The following MSL2 variants were observed in gnomAD, a reference collection of about 807,000 sequenced individuals.
The protein encoded by MSL2 is E3 ubiquitin-protein ligase MSL2.
MSL2 carries 2 observed loss-of-function variants against 35.8 expected under a neutral mutation model. The observed-to-expected ratio is 0.06, with a 90% CI of 0.02 to 0.18. The LOEUF (loss-of-function observed/expected upper bound fraction) is 0.18, where lower values mean the gene tolerates loss of function less well. Ranked by LOEUF, MSL2 falls within the 10% of genes least tolerant of loss-of-function variation. The pLI is 1.00. For synonymous variants in MSL2, 296 were observed against 255.7 expected, an observed-to-expected ratio of 1.16 and a Z score of -1.50; for missense variants, 523 against 706.7, an observed-to-expected ratio of 0.74 and a Z score of 2.95.
intron 1 of MSL2, among the ~76,000 whole-genome samples, chr3:136,191,764 T>C (rs1940696949): frequency 6.6e-6 from 1 of 152,150 alleles, no homozygotes. Flanking sequence ...CATAGCAAGA[T>C]CCTGTTTCAA....
At position 136,195,822 on chromosome 3, in the gene MSL2, G is replaced by A. The variant is rs1940828049; in HGVS notation, c.-709C>T. On this transcript the variant is annotated 5_prime_UTR_variant, in exon 1 of 2. Transcript: ENST00000309993. Reference sequence around the variant, plus strand: ...GAGGCGGGCGGGAGTCCTCAACCCGGAGGGGAAGGCCGGGGAGGAAGTGCG... The same window carrying A: ...GAGGCGGGCGGGAGTCCTCAACCCGAAGGGGAAGGCCGGGGAGGAAGTGCG... The A allele has an allele frequency of 6.1e-6, 6 of 984,896 alleles. No homozygotes were observed. In the African/African-American group the frequency reaches 8.7e-5, roughly 14 times the overall value. 61.0% of individuals were successfully genotyped at this position (984,896 alleles called of 1,614,324 possible). A position where few individuals can be genotyped will look rare whatever the true frequency, so the allele number is the denominator to read the frequency against.
chr3:136,161,670 A>C (rs186418581), intron 1 of MSL2, among the ~76,000 whole-genome samples: 60 of 152,278 alleles, frequency 3.9e-4, no homozygotes, highest in Admixed American at 3.1e-3. Flanking sequence ...AAGCAGAAAA[A>C]CAGTGGTTGC....
In MSL2 at chr3:136,195,078, G is replaced by A. The variant is rs1940798033; in HGVS notation, c.36C>T (p.Ser12=). ...NPVNATALYI[S]ASRLVLNYDP... The stretch of plus-strand genomic sequence containing the variant: ...CGTAGTTGAGCACTAGGCGGCTCGC[G>A]GAAATGTAGAGAGCAGTAGCATTCA... Residue 12 remains serine (S), a synonymous_variant, in exon 1 of 2, where the codon TCC becomes TCT. Coordinates refer to ENST00000309993, the MANE Select transcript of MSL2 (RefSeq NM_018133.4). 5.6e-6 allele frequency: 9 copies of A among 1,613,794 alleles called. No individual in the cohort carries two copies. The highest frequency in any genetic ancestry group is 7.6e-6 in the Non-Finnish European group (9 of 1,179,978).
At position 136,150,641 on chromosome 3, in the gene MSL2, C is replaced by G. The variant is rs1939333140; in HGVS notation, c.*506G>C. 1 of 155,726 alleles carries G rather than the reference C, an allele frequency of 6.4e-6. No individual in the cohort carries two copies. The allele number at this position is 155,726 out of a possible 1,614,324, so 9.6% of individuals were successfully genotyped here. A position where few individuals can be genotyped will look rare whatever the true frequency, so the allele number is the denominator to read the frequency against. ...ACACCAGTAGCCAATATTTCATGAT[C>G]AGAAATGGTATGATGTCAGCACAAA... is the stretch of plus-strand genomic sequence containing the variant. On this transcript the variant is annotated 3_prime_UTR_variant, in exon 2 of 2. Transcript: ENST00000309993.
At chr3:136,192,700 G>A (rs987900680) in intron 1 of MSL2, among the ~76,000 whole-genome samples, 1 of 152,168 alleles carries the variant, frequency 6.6e-6, no homozygotes, top group African/African-American at 2.4e-5. Flanking sequence ...GGTAGTAGCG[G>A]GTCAAATCTA....
intron 1 of MSL2, among the ~76,000 whole-genome samples, chr3:136,172,167 A>G (rs951458035): frequency 2.0e-5 from 3 of 152,140 alleles, no homozygotes; most frequent in African/African-American, 7.2e-5. Flanking sequence ...AAGCTTGAAT[A>G]TTTCTACTTA....
chr3:136,153,075 G>GTT (rs1457587879), intron 1 of MSL2: 1 of 984,970 alleles, frequency 1.0e-6, no homozygotes, highest in Admixed American at 6.2e-5. Flanking sequence ...CACAAACTAG[G>GTT]GTTAAAACCC....
chr3:136,184,256 A>G (rs901021566), intron 1 of MSL2, among the ~76,000 whole-genome samples: 1 of 151,936 alleles, frequency 6.6e-6, no homozygotes, highest in Non-Finnish European at 1.5e-5. Flanking sequence ...AGATGGTGCC[A>G]CTGCACTTTA....
At chr3:136,174,582 AG>A (rs1243865667) in intron 1 of MSL2, among the ~76,000 whole-genome samples, 2 of 152,178 alleles carry the variant, frequency 1.3e-5, no homozygotes, top group Admixed American at 1.3e-4. Flanking sequence ...AGCAAAAGGA[AG>A]GGGAGGATGG....
intron 1 of MSL2, among the ~76,000 whole-genome samples, chr3:136,159,685 A>C (rs576180846): frequency 6.6e-6 from 1 of 151,914 alleles, no homozygotes; most frequent in East Asian, 1.9e-4. Context: ...GAGTATTTTC[A>C]ACATACCATG....
At chr3:136,183,979 A>G (rs1371947865) in intron 1 of MSL2, among the ~76,000 whole-genome samples, 3 of 152,226 alleles carry the variant, frequency 2.0e-5, no homozygotes, top group Non-Finnish European at 2.9e-5. Context: ...TTCACAAAAT[A>G]ATTGAAGATC....
chr3:136,182,448 G>A (rs1559970176), intron 1 of MSL2, among the ~76,000 whole-genome samples: 1 of 152,124 alleles, frequency 6.6e-6, no homozygotes, highest in Non-Finnish European at 1.5e-5. Context: ...AGTGATCCCT[G>A]AAAAGGGGAA....
At chr3:136,156,019 C>A in intron 1 of MSL2, 1 of 321,236 alleles carries the variant, frequency 3.1e-6, no homozygotes, top group South Asian at 2.8e-5. Flanking sequence ...CCTTATAGTA[C>A]CAACTACTTC....
chr3:136,192,229 G>GTC (rs1202225161), intron 1 of MSL2, among the ~76,000 whole-genome samples: 3 of 152,182 alleles, frequency 2.0e-5, no homozygotes, highest in Admixed American at 6.5e-5. Context: ...CTGGAGTGCA[G>GTC]TGGTGCGATC....
chr3:136,157,433 G>A (rs1939566491), intron 1 of MSL2, among the ~76,000 whole-genome samples: 2 of 152,016 alleles, frequency 1.3e-5, no homozygotes, highest in South Asian at 4.1e-4. Context: ...AACCTGGGAG[G>A]AGAGGTTGCA....
At chr3:136,172,145 A>G (rs1252301785) in intron 1 of MSL2, among the ~76,000 whole-genome samples, 2 of 152,184 alleles carry the variant, frequency 1.3e-5, no homozygotes, top group Non-Finnish European at 1.5e-5. Context: ...GTGACAAAAT[A>G]AAGTCCAATG....
At position 136,149,628 on chromosome 3, in the gene MSL2, A is replaced by C. The variant is rs1037344546; in HGVS notation, c.*1519T>G. The C allele has an allele frequency of 1.3e-5, 2 of 151,810 alleles. No homozygotes were observed. The highest frequency in any genetic ancestry group is 1.9e-4 in the East Asian group (1 of 5,150). The allele number at this position is 151,810 out of a possible 1,614,324, so 9.4% of individuals were successfully genotyped here. On this transcript the variant is annotated 3_prime_UTR_variant, in exon 2 of 2. Coordinates refer to ENST00000309993, the MANE Select transcript of MSL2 (RefSeq NM_018133.4). ...AAAAAAAGCCCAACAACAACAACAAAAACAACTCTACCTGACCACATTCAC... is the reference window on the plus strand; with the variant it reads ...AAAAAAAGCCCAACAACAACAACAACAACAACTCTACCTGACCACATTCAC...
At chr3:136,183,370 G>A (rs1045737882) in intron 1 of MSL2, among the ~76,000 whole-genome samples, 5 of 152,140 alleles carry the variant, frequency 3.3e-5, no homozygotes, top group Non-Finnish European at 5.9e-5. Flanking sequence ...AGACCAGTCT[G>A]GGAAACACAG....
intron 1 of MSL2, among the ~76,000 whole-genome samples, chr3:136,161,770 T>C (rs1939712452): frequency 6.6e-6 from 1 of 152,068 alleles, no homozygotes. Flanking sequence ...CAGATAGTGG[T>C]GATGGTTACA....
Sources: gnomAD v4.1 joint callset for allele counts (sites outside exome capture counted in the v4.1 genomes callset) on GRCh38, gnomAD v4.1.1 for gene constraint, MANE v1.5 for transcripts, NCBI Gene and HGNC (gene_info 2026-07-23, HGNC 2026-07-21) for gene names.